The following SPPL2A variants were observed in gnomAD, a reference collection of about 807,000 sequenced individuals.
The protein encoded by SPPL2A is signal peptide peptidase-like 2A.
Under a neutral mutation model 63.8 loss-of-function variants are expected in SPPL2A, and 51 were observed. The observed-to-expected ratio is 0.80, with a 90% CI of 0.64 to 1.01. The LOEUF is 1.01. Ranked by LOEUF, SPPL2A falls within the 50% of genes least tolerant of loss-of-function variation. SPPL2A has a pLI of 0.00. For missense variants in SPPL2A, 553 were observed against 622.7 expected, an observed-to-expected ratio of 0.89 and a Z score of 1.19; for synonymous variants, 188 against 205.8, an observed-to-expected ratio of 0.91 and a Z score of 0.74.
Position 50,751,251 on chromosome 15 carries a change from G to A in SPPL2A, c.67-1505C>T, listed in dbSNP as rs140407471. Among the ~76,000 whole-genome samples the A allele has an allele frequency of 2.3e-4, 35 of 152,326 alleles. 1 individual carries two copies. The East Asian group carries it at 6.5e-3, about 28-fold the overall frequency. ...GGATTCTGATAGCAGAGATGAACTAGTATTTTACATTCTTATGATATAACA... is the reference window on the plus strand; with the variant it reads ...GGATTCTGATAGCAGAGATGAACTAATATTTTACATTCTTATGATATAACA... On this transcript the variant is annotated intron_variant, in intron 1 of 14. Coordinates refer to ENST00000261854, the MANE Select transcript of SPPL2A (RefSeq NM_032802.4).
Position 50,732,642 on chromosome 15 carries a change from A to G in SPPL2A, c.975T>C (p.Cys325=). Residue 325 remains cysteine, a synonymous_variant, in exon 9 of 15, where the codon TGT becomes TGC. Transcript: ENST00000261854. ...ILQDILGIAF[C]LNLIKTLKLP... ...ACTTCAGTGTTTTAATTAAATTCAG[A>G]CAGAAAGCAATCCCCAAGATATCCT... The G allele has an allele frequency of 1.9e-6, 3 of 1,611,322 alleles. No individual in the cohort carries two copies. The highest frequency in any genetic ancestry group is 2.5e-6 in the Non-Finnish European group (3 of 1,177,868).
At chr15:50,726,899 A>C (rs1317143691) in intron 10 of SPPL2A, among the ~76,000 whole-genome samples, 7 of 152,198 alleles carry the variant, frequency 4.6e-5, no homozygotes, top group African/African-American at 1.7e-4. Flanking sequence ...ACCAAACTCG[A>C]AAAGACCCAA....
chr15:50,759,079 T>C (rs78477191), intron 1 of SPPL2A, among the ~76,000 whole-genome samples: 146 of 152,158 alleles, frequency 9.6e-4, no homozygotes, highest in African/African-American at 3.4e-3. Context: ...TTATAAAGTT[T>C]TTTTAAAGAT....
intron 8 of SPPL2A, among the ~76,000 whole-genome samples, chr15:50,734,969 T>C (rs969050609): frequency 6.6e-6 from 1 of 152,092 alleles, no homozygotes; most frequent in African/African-American, 2.4e-5. Flanking sequence ...TGCAATAGTG[T>C]GATCTCAGCT....
chr15:50,762,367 C>CAAA (rs5812527), intron 1 of SPPL2A, among the ~76,000 whole-genome samples: 2 of 115,836 alleles, frequency 1.7e-5, no homozygotes, highest in Non-Finnish European at 1.9e-5. Context: ...GACTCCATCT[C>CAAA]AAAAAAAAAA....
rs2062508342 is a variant in SPPL2A at position 50,706,289 on chromosome 15, C to G, written c.*1511G>C. On this transcript the variant is annotated 3_prime_UTR_variant, in exon 15 of 15. Coordinates refer to ENST00000261854, the MANE Select transcript of SPPL2A (RefSeq NM_032802.4). ...CCTGTAGTCCTAGCTACTTGGGAGGCTGAGGCAGGAGAATGGCGTGAACCC... is the reference window on the plus strand; with the variant it reads ...CCTGTAGTCCTAGCTACTTGGGAGGGTGAGGCAGGAGAATGGCGTGAACCC... The G allele has an allele frequency of 6.8e-6, 1 of 146,112 alleles. No homozygotes were observed. The highest frequency in any genetic ancestry group is 2.2e-4 in the South Asian group (1 of 4,560). The allele number at this position is 146,112 out of a possible 1,614,324, so 9.1% of individuals were successfully genotyped here. A position where few individuals can be genotyped will look rare whatever the true frequency, so the allele number is the denominator to read the frequency against.
Position 50,749,692 on chromosome 15 carries a change from A to G in SPPL2A, c.121T>C (p.Tyr41His). Residue 41 changes from tyrosine to histidine, a missense_variant, in exon 2 of 15, where the codon TAC (tyrosine) becomes CAC (histidine). Tyr to His is a moderately conservative substitution (Grantham distance 83). Transcript: ENST00000261854. ...CAATAAGGGTTATAAAGCATGCAGT[A>G]GTCCTTGGTTGTGCCATTTCCAGAC... ...HASGNGTTKD[Y>H]CMLYNPYWTA... 6.2e-7 allele frequency: 1 copy of G among 1,613,798 alleles called. No individual in the cohort carries two copies. Among genetic ancestry groups the G allele is most frequent in the Non-Finnish European group, 8.5e-7 (1 of 1,179,668 alleles).
chr15:50,747,682 T>G, intron 4 of SPPL2A, 54 bp from the exon 5 acceptor site: 1 of 1,319,458 alleles, frequency 7.6e-7, no homozygotes, highest in Non-Finnish European at 1.1e-6. Flanking sequence ...TCTACTATAG[T>G]CATAACAGCA....
At chr15:50,738,435 G>A (rs2062791604) in intron 6 of SPPL2A, among the ~76,000 whole-genome samples, 1 of 151,588 alleles carries the variant, frequency 6.6e-6, no homozygotes, top group African/African-American at 2.4e-5. Flanking sequence ...TGTAATCCCA[G>A]CTACTCAGGA....
Position 50,760,080 on chromosome 15 carries a change from C to T in SPPL2A, c.66+5388G>A, listed in dbSNP as rs529895931. 5.9e-5 allele frequency among the ~76,000 whole-genome samples: 9 copies of T among 152,248 alleles called. No homozygotes were observed. In the South Asian group the frequency reaches 1.9e-3, roughly 32 times the overall value. On this transcript the variant is annotated intron_variant, in intron 1 of 14. Coordinates refer to ENST00000261854, the MANE Select transcript of SPPL2A (RefSeq NM_032802.4). ...CCTAGCATGTTTTAGTCAGCTCAGGCTTCATAACAAAGTACCACAAACTGG... is the reference window on the plus strand; with the variant it reads ...CCTAGCATGTTTTAGTCAGCTCAGGTTTCATAACAAAGTACCACAAACTGG...
At chr15:50,749,937 C>T in intron 1 of SPPL2A, 191 bp from the exon 2 acceptor site, 1 of 579,134 alleles carries the variant, frequency 1.7e-6, no homozygotes, top group South Asian at 2.1e-5. Flanking sequence ...CACAATTGCC[C>T]AGCACACCTT....
chr15:50,748,781 C>T lies in SPPL2A; in HGVS notation c.267G>A (p.Val89=), dbSNP rs2062880494. 6.2e-7 allele frequency: 1 copy of T among 1,612,162 alleles called. No homozygotes were observed. Among genetic ancestry groups the T allele is most frequent in the Non-Finnish European group, 8.5e-7 (1 of 1,179,288 alleles). Residue 89 remains valine, a synonymous_variant, in exon 3 of 15, where the codon GTG becomes GTA. Transcript: ENST00000261854. ...PPVGIKSKAV[V]VPWGSCHFLE... is the part of the protein sequence containing the mutation. ...GAAAATGGCAGCTTCCCCATGGAAC[C>T]ACAACTGCTTTGCTCTTTATGCCAA...
intron 5 of SPPL2A, among the ~76,000 whole-genome samples, chr15:50,742,298 G>A (rs961692567): frequency 1.3e-5 from 2 of 151,874 alleles, no homozygotes; most frequent in African/African-American, 2.4e-5. Flanking sequence ...GCTGAGGCAG[G>A]AGAATTGCTT....
chr15:50,746,758 C>T (rs944522020), intron 5 of SPPL2A: 9 of 150,864 alleles, frequency 6.0e-5, no homozygotes, highest in African/African-American at 1.7e-4. Flanking sequence ...ACCTCCACCT[C>T]CCAGGTTCAA....
At chr15:50,746,468 T>C (rs1262665372) in intron 5 of SPPL2A, among the ~76,000 whole-genome samples, 1 of 134,270 alleles carries the variant, frequency 7.4e-6, no homozygotes, top group South Asian at 2.4e-4. Flanking sequence ...AAAAGGAAAA[T>C]GTAAAAACAT....
In SPPL2A at chr15:50,747,637, C is replaced by T. The variant is rs1390975386; in HGVS notation, c.451-9G>A. The T allele has an allele frequency of 6.3e-7, 1 of 1,593,490 alleles. No homozygotes were observed. The highest frequency in any genetic ancestry group is 8.6e-7 in the Non-Finnish European group (1 of 1,168,578). ...ATGTTATCTCCTAGAGTCTGAAAGG[C>T]AAAATAACAGTTAAACACAGGAATA... On this transcript the variant is annotated splice_polypyrimidine_tract_variant and intron_variant, in intron 4 of 14. Coordinates refer to ENST00000261854, the MANE Select transcript of SPPL2A (RefSeq NM_032802.4).
intron 14 of SPPL2A, among the ~76,000 whole-genome samples, chr15:50,718,587 C>T (rs887671245): frequency 1.3e-5 from 2 of 152,076 alleles, no homozygotes; most frequent in Non-Finnish European, 2.9e-5. Context: ...GGATCATAAA[C>T]TAATTCTATG....
intron 6 of SPPL2A, among the ~76,000 whole-genome samples, chr15:50,738,233 A>T (rs888089951): frequency 5.3e-5 from 8 of 151,556 alleles, no homozygotes; most frequent in African/African-American, 1.9e-4. Context: ...AACTGCTGTC[A>T]CAGGACAAGA....
At chr15:50,720,706 G>T (rs1368062881) in intron 13 of SPPL2A, among the ~76,000 whole-genome samples, 1 of 151,766 alleles carries the variant, frequency 6.6e-6, no homozygotes, top group African/African-American at 2.4e-5. Flanking sequence ...TTTTAGCAGA[G>T]ACTGGGTTTC....
Sources: allele counts gnomAD v4.1 joint callset (sites outside exome capture counted in the v4.1 genomes callset), GRCh38; gene constraint gnomAD v4.1.1; transcripts MANE v1.5; gene names NCBI Gene and HGNC (gene_info 2026-07-23, HGNC 2026-07-21).